DLG1: variants seen among roughly 807,000 people sequenced by gnomAD.
The protein encoded by DLG1 is discs large MAGUK scaffold protein 1.
In DLG1, 42 loss-of-function variants were observed where a neutral mutation model predicts 123.4. The observed-to-expected ratio is 0.34, with a 90% CI of 0.27 to 0.44. The LOEUF (loss-of-function observed/expected upper bound fraction) is 0.44. DLG1 is among the 20% of genes least tolerant of loss of function. DLG1 has a pLI of 1.00. For missense variants in DLG1, 942 were observed against 1,082.6 expected (o/e 0.87, Z 1.82); for synonymous variants, 317 against 356.2 (o/e 0.89, Z 1.24).
intron 4 of DLG1, among the ~76,000 whole-genome samples, chr3:197,234,709 G>GTT (rs921182302): frequency 3.0e-4 from 45 of 152,116 alleles, no homozygotes; most frequent in Admixed American, 1.2e-3. Flanking sequence ...TATAAAAGGG[G>GTT]TTATATATAT....
chr3:197,056,337 C>T (rs1731669970), intron 23 of DLG1, among the ~76,000 whole-genome samples: 1 of 152,024 alleles, frequency 6.6e-6, no homozygotes, highest in Non-Finnish European at 1.5e-5. Flanking sequence ...TACATTTTGC[C>T]TTATTAAAAA....
At chr3:197,260,750 CAAAAAAAAAAAAAAA>C (rs570596943) in intron 4 of DLG1, among the ~76,000 whole-genome samples, 345 of 18,376 alleles carry the variant, frequency 0.019, 6 homozygotes, top group African/African-American at 0.059. Context: ...TGACAACCAC[CAAAAAAAAAAAAAAA>C]AAAAAAAAAA....
Position 197,065,292 on chromosome 3 carries a change from C to T in DLG1, c.2357G>A (p.Arg786Gln), listed in dbSNP as rs78190191. The change falls in exon 22 of 25, where the codon CGA becomes CAA. Residue 786 changes from arginine to glutamine, a missense_variant. Arg to Gln is a conservative substitution (Grantham distance 43). Coordinates refer to ENST00000667157, the MANE Select transcript of DLG1 (RefSeq NM_001366207.1). Reference sequence around the variant, plus strand: ...GATGCTTACCTTTTCTGCTACTTCTCGTACAGACTGAACACTTGTTCCATA... The same window carrying T: ...GATGCTTACCTTTTCTGCTACTTCTTGTACAGACTGAACACTTGTTCCATA... ...HLYGTSVQSVREVAEKGKHCI... is the reference protein window; with the variant it reads ...HLYGTSVQSVQEVAEKGKHCI... The T allele has an allele frequency of 0.02, 32,395 of 1,606,026 alleles. 402 individuals are homozygous for T. The highest frequency in any genetic ancestry group is 0.024 in the Non-Finnish European group (28,011 of 1,177,586).
chr3:197,127,514 ATACGT>A, intron 11 of DLG1, among the ~76,000 whole-genome samples: 1 of 135,896 alleles, frequency 7.4e-6, no homozygotes, highest in Admixed American at 7.5e-5. Context: ...AAACCTAAAA[ATACGT>A]AAGTACTTTA....
chr3:197,237,585 A>T (rs1251959943), intron 4 of DLG1, among the ~76,000 whole-genome samples: 1 of 152,194 alleles, frequency 6.6e-6, no homozygotes, highest in African/African-American at 2.4e-5. Flanking sequence ...CACTCTCATG[A>T]GGCTGTAACA....
intron 5 of DLG1, among the ~76,000 whole-genome samples, chr3:197,190,641 C>T (rs1048583040): frequency 6.6e-6 from 1 of 152,198 alleles, no homozygotes; most frequent in Non-Finnish European, 1.5e-5. Context: ...AAAGGCCAGT[C>T]TGCGTTCCAA....
At chr3:197,281,320 T>G (rs1236713958) in intron 4 of DLG1, among the ~76,000 whole-genome samples, 2 of 152,092 alleles carry the variant, frequency 1.3e-5, no homozygotes, top group African/African-American at 4.8e-5. Flanking sequence ...ATTATAAACA[T>G]GAGCCACCGT....
At chr3:197,082,438 T>C (rs190955552) in intron 16 of DLG1, among the ~76,000 whole-genome samples, 25 of 152,252 alleles carry the variant, frequency 1.6e-4, no homozygotes, top group Non-Finnish European at 2.6e-4. Flanking sequence ...TGAGGCTCCA[T>C]GACCTGAATA....
chr3:197,249,173 T>TA (rs1309043110), intron 4 of DLG1, among the ~76,000 whole-genome samples: 3 of 151,142 alleles, frequency 2.0e-5, no homozygotes, highest in Non-Finnish European at 1.5e-5. Flanking sequence ...TTAGCTAGGC[T>TA]AAAAAAAAGA....
chr3:197,162,102 T>C (rs964228394), intron 5 of DLG1, among the ~76,000 whole-genome samples: 6 of 152,194 alleles, frequency 3.9e-5, no homozygotes, highest in African/African-American at 1.4e-4. Flanking sequence ...ATCTCACTAC[T>C]TTCCTCTATG....
At chr3:197,142,572 T>C (rs973883812) in intron 7 of DLG1, 146 bp downstream of exon 7, 2 of 479,930 alleles carry the variant, frequency 4.2e-6, no homozygotes, top group Non-Finnish European at 7.1e-6. Context: ...GCAAATGTTT[T>C]GAAAATACCT....
rs1213011983 is a variant in DLG1 at position 197,209,804 on chromosome 3, G to A, written c.319-15215C>T. Among the ~76,000 whole-genome samples the A allele has an allele frequency of 2.7e-5, 4 of 146,410 alleles. No individual in the cohort carries two copies. In the East Asian group the frequency reaches 7.8e-4, roughly 29 times the overall value. ...AAGGAAATCAGAAACAATTCAGAAT[G>A]GAGTAATAATGAAGCTAAATAGGAC... On this transcript the variant is annotated intron_variant, in intron 4 of 24. Transcript: ENST00000667157.
At chr3:197,113,750 C>T (rs1771449347) in intron 13 of DLG1, among the ~76,000 whole-genome samples, 1 of 151,972 alleles carries the variant, frequency 6.6e-6, no homozygotes, top group Non-Finnish European at 1.5e-5. Context: ...ATTTAAGCTG[C>T]TATAGTTTCA....
chr3:197,290,421 G>C (rs1774255119), intron 3 of DLG1, among the ~76,000 whole-genome samples: 1 of 151,928 alleles, frequency 6.6e-6, no homozygotes, highest in African/African-American at 2.4e-5. Context: ...AAGCCACAAG[G>C]GGTAAAAAAC....
intron 5 of DLG1, among the ~76,000 whole-genome samples, chr3:197,164,731 G>A (rs1199309661): frequency 5.2e-5 from 7 of 135,606 alleles, no homozygotes; most frequent in African/African-American, 1.9e-4. Flanking sequence ...GCAAAACCCC[G>A]TCTCTACTAA....
intron 4 of DLG1, among the ~76,000 whole-genome samples, chr3:197,237,004 A>C (rs916039842): frequency 2.0e-5 from 3 of 152,176 alleles, no homozygotes; most frequent in African/African-American, 7.2e-5. Flanking sequence ...AGTGCAAAAA[A>C]CAAAAACAAC....
At chr3:197,067,721 C>A (rs1218709120) in intron 19 of DLG1, among the ~76,000 whole-genome samples, 1 of 152,054 alleles carries the variant, frequency 6.6e-6, no homozygotes, top group African/African-American at 2.4e-5. Flanking sequence ...TCATGCCCAG[C>A]TAATTTTGTA....
chr3:197,144,970 C>T (rs1272481177), intron 6 of DLG1, among the ~76,000 whole-genome samples: 1 of 152,184 alleles, frequency 6.6e-6, no homozygotes, highest in East Asian at 1.9e-4. Flanking sequence ...GCACATGCCA[C>T]CATGCCTGGC....
At position 197,245,905 on chromosome 3, in the gene DLG1, G is replaced by C. The variant is rs201291520; in HGVS notation, c.318+36774C>G. Among the ~76,000 whole-genome samples, 130 of 142,014 alleles carry C rather than the reference G, an allele frequency of 9.2e-4. 6 individuals carry two copies. The East Asian group carries it at 9.9e-3, about 11-fold the overall frequency. 93.2% of individuals were successfully genotyped at this position (142,014 alleles called of 152,430 possible). A position where few individuals can be genotyped will look rare whatever the true frequency, so the allele number is the denominator to read the frequency against. On this transcript the variant is annotated intron_variant, in intron 4 of 24. Transcript: ENST00000667157. The stretch of plus-strand genomic sequence containing the variant: ...GGACAATACTTTTTTTTTTTTGGGG[G>C]GGGGGGAGGTGGCAAATGAAGGTTA...
Sources: allele counts gnomAD v4.1 joint callset (sites outside exome capture counted in the v4.1 genomes callset), GRCh38; gene constraint gnomAD v4.1.1; transcripts MANE v1.5; gene names NCBI Gene and HGNC (gene_info 2026-07-23, HGNC 2026-07-21).